The following GRIN2B variants were observed in gnomAD, a reference collection of about 807,000 sequenced individuals.
The protein encoded by GRIN2B is glutamate ionotropic receptor NMDA type subunit 2B.
A neutral mutation model predicts 114.5 loss-of-function variants in GRIN2B; 5 were observed. The observed-to-expected ratio is 0.04, with a 90% CI of 0.02 to 0.09. The LOEUF (loss-of-function observed/expected upper bound fraction) is 0.09. Among genes scored for constraint, GRIN2B ranks in the 10% least tolerant of loss-of-function variants. GRIN2B has a pLI of 1.00. For missense variants in GRIN2B, 1,108 were observed against 1,943.5 expected, an observed-to-expected ratio of 0.57 and a Z score of 8.08; for synonymous variants, 787 against 745.1, an observed-to-expected ratio of 1.06 and a Z score of -0.92.
chr12:13,825,740 C>A (rs1028750486), intron 3 of GRIN2B, among the ~76,000 whole-genome samples: 2 of 151,902 alleles, frequency 1.3e-5, no homozygotes, highest in African/African-American at 4.8e-5. Context: ...TGGTCTCCAC[C>A]TCTTGACCTC....
At chr12:13,766,596 T>C (rs893774229) in intron 3 of GRIN2B, among the ~76,000 whole-genome samples, 2 of 152,230 alleles carry the variant, frequency 1.3e-5, no homozygotes, top group Non-Finnish European at 2.9e-5. Flanking sequence ...ACAGTCTAAA[T>C]GAATTATACA....
intron 5 of GRIN2B, among the ~76,000 whole-genome samples, chr12:13,659,263 C>G (rs1246584722): frequency 1.3e-5 from 2 of 152,156 alleles, no homozygotes; most frequent in Non-Finnish European, 2.9e-5. Context: ...ATAAATGTCC[C>G]ATTTCCTGAA....
chr12:13,896,914 C>T (rs1395291069), intron 2 of GRIN2B, among the ~76,000 whole-genome samples: 3 of 152,042 alleles, frequency 2.0e-5, no homozygotes, highest in Non-Finnish European at 2.9e-5. Context: ...ATAATATCTA[C>T]CTTGCAGAAC....
chr12:13,724,138 C>T (rs1350918213), intron 4 of GRIN2B, among the ~76,000 whole-genome samples: 4 of 152,156 alleles, frequency 2.6e-5, no homozygotes, highest in Admixed American at 2.6e-4. Flanking sequence ...ACATCTGAAG[C>T]AGGTGCCTCT....
rs771554547 is a variant in GRIN2B, at chr12:13,556,719, C to G, written c.*6064G>C. The G allele has an allele frequency of 6.6e-6, 1 of 152,184 alleles. No homozygotes were observed. The highest frequency in any genetic ancestry group is 6.5e-5 in the Admixed American group (1 of 15,274). The allele number at this position is 152,184 out of a possible 1,614,324, so 9.4% of individuals were successfully genotyped here. A position where few individuals can be genotyped will look rare whatever the true frequency, so the allele number is the denominator to read the frequency against. On this transcript the variant is annotated 3_prime_UTR_variant, in exon 14 of 14. Coordinates refer to ENST00000609686, the MANE Select transcript of GRIN2B (RefSeq NM_000834.5). ...GATTCTACACACCAGAGTGCCAAGG[C>G]TCTGAGGAATTCTACTCATCTACTC...
chr12:13,627,414 T>C (rs1359904683), intron 5 of GRIN2B, among the ~76,000 whole-genome samples: 2 of 152,212 alleles, frequency 1.3e-5, no homozygotes, highest in Non-Finnish European at 2.9e-5. Context: ...GGGGTTCTGA[T>C]GAAAATTAAA....
chr12:13,676,290 A>G (rs754461289), intron 4 of GRIN2B, among the ~76,000 whole-genome samples: 5 of 152,120 alleles, frequency 3.3e-5, no homozygotes, highest in Non-Finnish European at 7.4e-5. Flanking sequence ...TCACCATGTC[A>G]CAAGTTTACC....
chr12:13,790,943 C>A (rs767495687), intron 3 of GRIN2B, among the ~76,000 whole-genome samples: 2 of 152,016 alleles, frequency 1.3e-5, no homozygotes, highest in East Asian at 3.9e-4. Flanking sequence ...GTGGGAGTGA[C>A]GAGGCTGGAA....
chr12:13,620,607 A>C (rs1949500658), intron 5 of GRIN2B, among the ~76,000 whole-genome samples: 1 of 152,186 alleles, frequency 6.6e-6, no homozygotes, highest in African/African-American at 2.4e-5. Flanking sequence ...ATAATTCTAA[A>C]CATGTCTCTG....
At chr12:13,933,469 T>C (rs1867075582) in intron 2 of GRIN2B, among the ~76,000 whole-genome samples, 1 of 152,182 alleles carries the variant, frequency 6.6e-6, no homozygotes, top group Non-Finnish European at 1.5e-5. Flanking sequence ...CCCAGACATC[T>C]CCTTGATACG....
chr12:13,595,566 C>A (rs1197134582), intron 10 of GRIN2B, among the ~76,000 whole-genome samples: 1 of 152,202 alleles, frequency 6.6e-6, no homozygotes, highest in East Asian at 1.9e-4. Context: ...TCTGGGAGCA[C>A]CCTGTCTGGT....
At chr12:13,725,359 C>G (rs1591698034) in intron 4 of GRIN2B, among the ~76,000 whole-genome samples, 1 of 152,046 alleles carries the variant, frequency 6.6e-6, no homozygotes, top group East Asian at 1.9e-4. Flanking sequence ...AGGAGTCAGG[C>G]AGTAGGGTGG....
At chr12:13,860,834 T>A (rs532063473) in intron 3 of GRIN2B, among the ~76,000 whole-genome samples, 7 of 152,236 alleles carry the variant, frequency 4.6e-5, no homozygotes, top group Admixed American at 2.0e-4. Flanking sequence ...TAAAGTTGGA[T>A]CTTGAATCCT....
At chr12:13,830,321 G>A (rs1465322993) in intron 3 of GRIN2B, among the ~76,000 whole-genome samples, 2 of 152,116 alleles carry the variant, frequency 1.3e-5, no homozygotes, top group Non-Finnish European at 2.9e-5. Flanking sequence ...TGCAAAAACT[G>A]AAACAAATAA....
At chr12:13,944,074 A>T (rs934973980) in intron 2 of GRIN2B, among the ~76,000 whole-genome samples, 11 of 152,222 alleles carry the variant, frequency 7.2e-5, no homozygotes, top group Admixed American at 7.2e-4. Flanking sequence ...ACAAATCTAG[A>T]AAAGACAATC....
rs1333121106 is a variant in GRIN2B, at chr12:13,632,708, G to A, written c.1126-16051C>T. Among the ~76,000 whole-genome samples, 3 of 152,170 alleles carry A rather than the reference G, an allele frequency of 2.0e-5. No individual in the cohort carries two copies. The East Asian group carries it at 5.8e-4, about 29-fold the overall frequency. On this transcript the variant is annotated intron_variant, in intron 5 of 13. Transcript: ENST00000609686. Reference sequence around the variant, plus strand: ...AGTTCAGCTAGGCTGGAGGGTTGAGGGCTAAGCAAAGGTAGACAAGGTGGG... The same window carrying A: ...AGTTCAGCTAGGCTGGAGGGTTGAGAGCTAAGCAAAGGTAGACAAGGTGGG...
At chr12:13,856,642 GTTCTT>G (rs1233665468) in intron 3 of GRIN2B, among the ~76,000 whole-genome samples, 1 of 152,088 alleles carries the variant, frequency 6.6e-6, no homozygotes. Flanking sequence ...TGCTCTTCTT[GTTCTT>G]TTCTTATCTC....
intron 5 of GRIN2B, among the ~76,000 whole-genome samples, chr12:13,619,083 CTT>C (rs1447534774): frequency 6.6e-6 from 1 of 152,078 alleles, no homozygotes; most frequent in Non-Finnish European, 1.5e-5. Context: ...CCTGGGTAGT[CTT>C]TTAGAAAACA....
intron 2 of GRIN2B, among the ~76,000 whole-genome samples, chr12:13,900,928 A>G (rs972222041): frequency 6.6e-6 from 1 of 152,106 alleles, no homozygotes; most frequent in African/African-American, 2.4e-5. Context: ...TTCTTTATCT[A>G]CATTAGAATG....
Sources: allele counts gnomAD v4.1 joint callset (sites outside exome capture counted in the v4.1 genomes callset), GRCh38; gene constraint gnomAD v4.1.1; transcripts MANE v1.5; gene names NCBI Gene and HGNC (gene_info 2026-07-23, HGNC 2026-07-21).